FHIT: variants seen among roughly 807,000 people sequenced by gnomAD.
FHIT encodes the protein fragile histidine triad diadenosine triphosphatase, also known as bis(5'-adenosyl)-triphosphatase.
In FHIT, 19 loss-of-function variants were observed where a neutral mutation model predicts 17.9. The observed-to-expected ratio is 1.06, with a 90% CI of 0.74 to 1.56. The LOEUF (loss-of-function observed/expected upper bound fraction) is 1.56, where lower values mean the gene tolerates loss of function less well. Among genes scored for constraint, FHIT ranks in the 40% most tolerant of loss-of-function variants. The pLI, the probability that FHIT is intolerant of heterozygous loss-of-function variation, is 0.00. For missense variants in FHIT, 248 were observed against 189.2 expected (o/e 1.31, Z -1.82); for synonymous variants, 81 against 69.7 (o/e 1.16, Z -0.81).
intron 3 of FHIT, among the ~76,000 whole-genome samples, chr3:60,906,992 G>C (rs781964609): frequency 9.2e-5 from 14 of 152,086 alleles, no homozygotes; most frequent in Non-Finnish European, 1.3e-4. Context: ...GCCCAGAAAT[G>C]TATAATAATA....
At chr3:60,882,270 T>C (rs1424682063) in intron 3 of FHIT, among the ~76,000 whole-genome samples, 2 of 152,160 alleles carry the variant, frequency 1.3e-5, no homozygotes, top group African/African-American at 2.4e-5. Context: ...CAGGACCTGA[T>C]AGCTTCACTA....
chr3:60,729,983 T>C (rs2041994841), intron 4 of FHIT: 1 of 257,322 alleles, frequency 3.9e-6, no homozygotes, highest in African/African-American at 2.3e-5. Context: ...TAATGGCCTA[T>C]GACGTTATCA....
At chr3:61,120,570 C>T (rs2036427294) in intron 2 of FHIT, among the ~76,000 whole-genome samples, 1 of 152,122 alleles carries the variant, frequency 6.6e-6, no homozygotes, top group Non-Finnish European at 1.5e-5. Flanking sequence ...AGACTTTTCT[C>T]GTTTACAGAA....
rs35601823 is a variant in FHIT, at chr3:60,409,825, G to A, written c.103+127035C>T. Among the ~76,000 whole-genome samples the A allele has an allele frequency of 7.7e-3, 1,174 of 152,180 alleles. 7 individuals carry two copies. The highest frequency in any genetic ancestry group is 0.017 in the Middle Eastern group (5 of 292). On this transcript the variant is annotated intron_variant, in intron 5 of 9. Transcript: ENST00000492590. ...AAATCTCAATACTCCCATGCTACAC[G>A]AACCTTCTTTAGATTTTCTCCTGGG...
intron 8 of FHIT, among the ~76,000 whole-genome samples, chr3:59,912,747 T>G (rs139042177): frequency 6.6e-6 from 1 of 152,352 alleles, no homozygotes; most frequent in East Asian, 1.9e-4. Flanking sequence ...TTCTATGAGT[T>G]CCTTAGTTAC....
chr3:60,388,713 T>G (rs1166726480), intron 5 of FHIT, among the ~76,000 whole-genome samples: 1 of 152,242 alleles, frequency 6.6e-6, no homozygotes, highest in East Asian at 1.9e-4. Flanking sequence ...CTTACTTTCC[T>G]CTTTGTGTGT....
In FHIT at chr3:60,114,932, A is replaced by T. The variant is rs927107706; in HGVS notation, c.104-100780T>A. Among the ~76,000 whole-genome samples the T allele has an allele frequency of 2.0e-5, 3 of 152,210 alleles. 1 individual carries two copies. On this transcript the variant is annotated intron_variant, in intron 5 of 9. Transcript: ENST00000492590. ...TACTGAAAAGCCGCTGTCTGATAAA[A>T]GTTGGCAAGGCAGATTCTAGGAAGA...
intron 5 of FHIT, among the ~76,000 whole-genome samples, chr3:60,443,926 T>G (rs1221919446): frequency 6.6e-6 from 1 of 151,654 alleles, no homozygotes; most frequent in Non-Finnish European, 1.5e-5. Flanking sequence ...TGGGAGAAAA[T>G]TTTTGCAATC....
At chr3:60,227,934 T>C (rs13314184) in intron 5 of FHIT, among the ~76,000 whole-genome samples, 5,538 of 152,266 alleles carry the variant, frequency 0.036, 303 homozygotes, top group African/African-American at 0.12. Context: ...AAAAAGCAAT[T>C]ACTGGACATT....
intron 4 of FHIT, among the ~76,000 whole-genome samples, chr3:60,704,585 G>C (rs1559653207): frequency 6.6e-6 from 1 of 152,156 alleles, no homozygotes; most frequent in Non-Finnish European, 1.5e-5. Flanking sequence ...CATAGAGCAA[G>C]ACTTTGCTCC....
At chr3:60,062,293 G>A (rs914213093) in intron 5 of FHIT, among the ~76,000 whole-genome samples, 17 of 152,118 alleles carry the variant, frequency 1.1e-4, no homozygotes, top group African/African-American at 4.1e-4. Context: ...GAGTGGAAAT[G>A]TATTCTATGC....
At chr3:61,084,663 T>A (rs1427281819) in intron 2 of FHIT, among the ~76,000 whole-genome samples, 5 of 152,224 alleles carry the variant, frequency 3.3e-5, no homozygotes, top group Non-Finnish European at 7.4e-5. Context: ...TTTAAATACA[T>A]TTATTGAGGT....
intron 5 of FHIT, among the ~76,000 whole-genome samples, chr3:60,331,672 C>A (rs1257750599): frequency 6.6e-6 from 1 of 152,068 alleles, no homozygotes; most frequent in African/African-American, 2.4e-5. Flanking sequence ...CATGGAGAAA[C>A]CTCGTATCTG....
At chr3:60,166,293 T>C (rs1701172415) in intron 5 of FHIT, among the ~76,000 whole-genome samples, 1 of 152,178 alleles carries the variant, frequency 6.6e-6, no homozygotes, top group Non-Finnish European at 1.5e-5. Context: ...AGAGGAGTTA[T>C]GCATCCAAAG....
chr3:60,278,041 T>C (rs762322614), intron 5 of FHIT, among the ~76,000 whole-genome samples: 4 of 152,052 alleles, frequency 2.6e-5, no homozygotes, highest in Non-Finnish European at 5.9e-5. Flanking sequence ...AATCATAAGA[T>C]CAGATTACCT....
At chr3:61,229,084 C>A (rs1055939913) in intron 1 of FHIT, among the ~76,000 whole-genome samples, 6 of 152,132 alleles carry the variant, frequency 3.9e-5, no homozygotes, top group African/African-American at 1.4e-4. Context: ...CCATTCCCCA[C>A]CCCTCCAATA....
Position 60,899,987 on chromosome 3 carries a change from T to C in FHIT, c.-110-77976A>G, listed in dbSNP as rs192933266. The stretch of plus-strand genomic sequence containing the variant: ...TCCTCAGTTGAGCATCCCCCACTCA[T>C]TGGGCCCCAGCAGCTACTTTGCCTA... On this transcript the variant is annotated intron_variant, in intron 3 of 9. Transcript: ENST00000492590. 1.9e-3 allele frequency among the ~76,000 whole-genome samples: 286 copies of C among 152,256 alleles called. 3 individuals carry two copies. The highest frequency in any genetic ancestry group is 3.8e-4 in the Non-Finnish European group (26 of 68,024).
intron 5 of FHIT, among the ~76,000 whole-genome samples, chr3:60,331,061 T>G (rs1709945993): frequency 6.6e-6 from 1 of 152,176 alleles, no homozygotes; most frequent in Non-Finnish European, 1.5e-5. Context: ...TATCTTAGCG[T>G]GGAGTTGAAG....
chr3:60,973,195 T>A (rs1710095600), intron 3 of FHIT, among the ~76,000 whole-genome samples: 1 of 152,226 alleles, frequency 6.6e-6, no homozygotes, highest in South Asian at 2.1e-4. Flanking sequence ...GATTTTCTTC[T>A]GGCAGGCAGA....
Sources: gnomAD v4.1 joint callset for allele counts (sites outside exome capture counted in the v4.1 genomes callset) on GRCh38, gnomAD v4.1.1 for gene constraint, MANE v1.5 for transcripts, NCBI Gene and HGNC (gene_info 2026-07-23, HGNC 2026-07-21) for gene names.